The following DAB1 variants were observed in gnomAD, a reference collection of about 807,000 sequenced individuals.
DAB1 encodes the protein DAB adaptor protein 1.
In DAB1, 15 loss-of-function variants were observed where a neutral mutation model predicts 64.6. The ratio of observed to expected loss-of-function variants is 0.23; its 90% CI spans 0.16 to 0.36. The LOEUF is 0.36. Among genes scored for constraint, DAB1 ranks in the 10% least tolerant of loss-of-function variants. The pLI, the probability that DAB1 is intolerant of heterozygous loss-of-function variation, is 1.00. For synonymous variants in DAB1, 235 were observed against 251.9 expected, an observed-to-expected ratio of 0.93 and a Z score of 0.64; for missense variants, 596 against 706.7, an observed-to-expected ratio of 0.84 and a Z score of 1.78.
intron 4 of DAB1, among the ~76,000 whole-genome samples, chr1:57,113,728 G>A (rs1319488173): frequency 6.6e-6 from 1 of 152,088 alleles, no homozygotes; most frequent in Admixed American, 6.6e-5. Context: ...TGGCCTATAA[G>A]CCATTGTAGT....
intron 4 of DAB1, among the ~76,000 whole-genome samples, chr1:57,093,611 T>C (rs1653887073): frequency 6.6e-6 from 1 of 152,202 alleles, no homozygotes. Flanking sequence ...TATAGGCTTA[T>C]AATAAGCTTC....
chr1:57,125,381 A>G lies in DAB1; in HGVS notation c.306+11162T>C, dbSNP rs550548812. Among the ~76,000 whole-genome samples the G allele has an allele frequency of 2.6e-5, 4 of 152,340 alleles. No individual in the cohort carries two copies. The South Asian group carries it at 8.3e-4, about 32-fold the overall frequency. On this transcript the variant is annotated intron_variant, in intron 4 of 14. Coordinates refer to ENST00000371236, the MANE Select transcript of DAB1 (RefSeq NM_001365792.1). ...GGAACTTACACTGTAATATTAGTGT[A>G]GTGCTCCATACATAGTACCTACTTT... is the stretch of plus-strand genomic sequence containing the variant.
At chr1:58,031,698 A>T (rs746098325) in intron 5 of DAB1, among the ~76,000 whole-genome samples, 1 of 152,186 alleles carries the variant, frequency 6.6e-6, no homozygotes, top group Non-Finnish European at 1.5e-5. Context: ...ACATGCGAAT[A>T]ACAAAGCTAT....
chr1:58,252,861 G>C (rs576160154), intron 4 of DAB1, among the ~76,000 whole-genome samples: 2 of 152,272 alleles, frequency 1.3e-5, no homozygotes, highest in East Asian at 3.9e-4. Context: ...TTGAGACCCA[G>C]AACTGTAGAT....
chr1:57,009,236 G>A (rs1646189627), intron 14 of DAB1, among the ~76,000 whole-genome samples: 2 of 152,128 alleles, frequency 1.3e-5, no homozygotes, highest in Admixed American at 1.3e-4. Flanking sequence ...AATACCTCGT[G>A]GGGAATCATC....
At chr1:57,409,077 T>C (rs751339378) in intron 1 of DAB1, among the ~76,000 whole-genome samples, 13 of 152,292 alleles carry the variant, frequency 8.5e-5, no homozygotes, top group Middle Eastern at 3.4e-3. Flanking sequence ...ACTCCCACCA[T>C]GCAGACTCTT....
At chr1:57,070,447 T>A (rs566383623) in intron 7 of DAB1, among the ~76,000 whole-genome samples, 1 of 152,190 alleles carries the variant, frequency 6.6e-6, no homozygotes, top group Non-Finnish European at 1.5e-5. Context: ...GAGCTGCAGA[T>A]CTTGAAGAGA....
intron 5 of DAB1, among the ~76,000 whole-genome samples, chr1:58,132,484 C>T (rs967434237): frequency 2.0e-5 from 3 of 152,104 alleles, no homozygotes; most frequent in Admixed American, 6.5e-5. Context: ...GGCTCCTCCC[C>T]CCGGGGCCAA....
intron 5 of DAB1, among the ~76,000 whole-genome samples, chr1:58,008,286 C>T (rs777943414): frequency 1.3e-5 from 2 of 152,088 alleles, no homozygotes; most frequent in Non-Finnish European, 1.5e-5. Flanking sequence ...CCCTTCCAAA[C>T]AGTTAAGGTG....
At chr1:58,502,390 C>G (rs766153010) in intron 3 of DAB1, among the ~76,000 whole-genome samples, 1 of 152,296 alleles carries the variant, frequency 6.6e-6, no homozygotes, top group Admixed American at 6.5e-5. Flanking sequence ...TCACTTCCTA[C>G]GTGAACTCAT....
chr1:58,159,744 T>C (rs1655422489), intron 4 of DAB1, among the ~76,000 whole-genome samples: 1 of 152,188 alleles, frequency 6.6e-6, no homozygotes, highest in South Asian at 2.1e-4. Context: ...GAACCCTGAT[T>C]CTTTCCAGCA....
At chr1:57,476,060 G>C (rs543171554) in intron 7 of DAB1, among the ~76,000 whole-genome samples, 2 of 151,480 alleles carry the variant, frequency 1.3e-5, no homozygotes, top group Non-Finnish European at 2.9e-5. Flanking sequence ...CTCTGTCTCC[G>C]CTAAAAATAC....
intron 2 of DAB1, among the ~76,000 whole-genome samples, chr1:57,208,031 A>G (rs1191559645): frequency 6.6e-6 from 1 of 152,160 alleles, no homozygotes; most frequent in Non-Finnish European, 1.5e-5. Context: ...GCCCTGAAAT[A>G]AGGATTGTAA....
chr1:57,411,648 A>C (rs1025836311), intron 1 of DAB1, among the ~76,000 whole-genome samples: 1 of 152,238 alleles, frequency 6.6e-6, no homozygotes, highest in African/African-American at 2.4e-5. Context: ...CCTCTTGAAC[A>C]AAGTGACTAG....
At chr1:57,676,882 C>T (rs1038714144) in intron 6 of DAB1, among the ~76,000 whole-genome samples, 6 of 152,114 alleles carry the variant, frequency 3.9e-5, no homozygotes, top group Non-Finnish European at 8.8e-5. Flanking sequence ...CTGATTCTCT[C>T]AAGGGGAACT....
chr1:57,471,189 CAGCAAGAT>C (rs1278469828), intron 7 of DAB1, among the ~76,000 whole-genome samples: 1 of 152,172 alleles, frequency 6.6e-6, no homozygotes, highest in Non-Finnish European at 1.5e-5. Context: ...AAACAAAGAT[CAGCAAGAT>C]AGCCTAATAT....
At position 58,477,937 on chromosome 1, in the gene DAB1, G is replaced by A. The variant is rs550127365; in HGVS notation, n.257+28123C>T. 7.2e-5 allele frequency among the ~76,000 whole-genome samples: 11 copies of A among 152,138 alleles called. 1 individual carries two copies. The highest frequency in any genetic ancestry group is 4.1e-4 in the South Asian group (2 of 4,824). On this transcript the variant is annotated intron_variant and non_coding_transcript_variant, in intron 3 of 20. Coordinates refer to the DAB1 transcript ENST00000485760. Reference sequence around the variant, plus strand: ...CATTACCCCTCTAAACTTCAGTTCCGTGATCTATAATAGGGCATAGTAGAA... The same window carrying A: ...CATTACCCCTCTAAACTTCAGTTCCATGATCTATAATAGGGCATAGTAGAA...
chr1:58,381,981 A>T (rs1644394389), intron 3 of DAB1, among the ~76,000 whole-genome samples: 1 of 151,766 alleles, frequency 6.6e-6, no homozygotes, highest in African/African-American at 2.4e-5. Context: ...ACCATGAAAG[A>T]AGAAACAGTA....
intron 7 of DAB1, among the ~76,000 whole-genome samples, chr1:57,618,152 C>A (rs953607839): frequency 6.6e-5 from 10 of 152,092 alleles, no homozygotes; most frequent in African/African-American, 2.4e-4. Flanking sequence ...CGGTGGCTCA[C>A]GCCTGTAATC....
Sources: gnomAD v4.1 joint callset for allele counts (sites outside exome capture counted in the v4.1 genomes callset) on GRCh38, gnomAD v4.1.1 for gene constraint, MANE v1.5 for transcripts, NCBI Gene and HGNC (gene_info 2026-07-23, HGNC 2026-07-21) for gene names.